TRAK1: variants seen among roughly 807,000 people sequenced by gnomAD.
The protein encoded by TRAK1 is trafficking kinesin-binding protein 1.
Under a neutral mutation model 92.1 loss-of-function variants are expected in TRAK1, and 33 were observed. The observed-to-expected ratio is 0.36, with a 90% CI of 0.27 to 0.48. TRAK1 has a LOEUF of 0.48. Ranked by LOEUF, TRAK1 falls within the 20% of genes least tolerant of loss-of-function variation. The pLI, the probability that TRAK1 is intolerant of heterozygous loss-of-function variation, is 0.99. For missense variants in TRAK1, 1,123 were observed against 1,257.9 expected (o/e 0.89, Z 1.62); for synonymous variants, 521 against 517.3 (o/e 1.01, Z -0.10).
chr3:42,128,419 G>A (rs1379827719), intron 2 of TRAK1, among the ~76,000 whole-genome samples: 1 of 152,084 alleles, frequency 6.6e-6, no homozygotes, highest in African/African-American at 2.4e-5. Context: ...ATCTTCTGTG[G>A]TTCCTGTAGT....
rs192356084 is a variant in TRAK1 at position 42,106,259 on chromosome 3, T to C, written c.91+14699T>C. ...AAAGAGTCAAGACCCATCAGTGTGC[T>C]GTATTCAGGAGACCCATCTCACGTG... On this transcript the variant is annotated intron_variant, in intron 1 of 15. Transcript: ENST00000327628. 7.1e-3 allele frequency among the ~76,000 whole-genome samples: 1,087 copies of C among 152,326 alleles called. 51 individuals are homozygous for C. The East Asian group carries it at 0.13, about 18-fold the overall frequency.
At chr3:42,220,589 G>A in intron 15 of TRAK1, 2 of 985,426 alleles carry the variant, frequency 2.0e-6, no homozygotes, top group Non-Finnish European at 2.4e-6. Flanking sequence ...GGCGAGGCAG[G>A]GGGTGAGCAC....
chr3:42,198,055 G>A (rs1707002302), intron 10 of TRAK1, among the ~76,000 whole-genome samples: 1 of 152,218 alleles, frequency 6.6e-6, no homozygotes, highest in Non-Finnish European at 1.5e-5. Context: ...CATCATCACA[G>A]GTTGTTCTGT....
chr3:42,040,536 C>T lies in TRAK1; in HGVS notation c.-519+26419C>T, dbSNP rs572836776. On this transcript the variant is annotated intron_variant, in intron 1 of 16. Transcript: ENST00000487159. The stretch of plus-strand genomic sequence containing the variant: ...GATATCTGATTGTACTAGTACCATT[C>T]GTTGAAAAGACTGTTCTTTCCATAT... Among the ~76,000 whole-genome samples the T allele has an allele frequency of 5.3e-5, 8 of 152,202 alleles. No individual in the cohort carries two copies. The South Asian group carries it at 1.5e-3, about 28-fold the overall frequency.
intron 1 of TRAK1, among the ~76,000 whole-genome samples, chr3:42,113,866 T>A (rs1375186465): frequency 6.6e-6 from 1 of 152,228 alleles, no homozygotes; most frequent in African/African-American, 2.4e-5. Flanking sequence ...TTTAAACATT[T>A]TAACGGGTAT....
chr3:42,212,107 A>G (rs1709113897), intron 14 of TRAK1: 1 of 985,304 alleles, frequency 1.0e-6, no homozygotes, highest in South Asian at 4.7e-5. Flanking sequence ...TAGAATGTAA[A>G]AAGCATATCG....
At chr3:42,222,691 G>A (rs1433744877) in intron 15 of TRAK1, among the ~76,000 whole-genome samples, 1 of 152,156 alleles carries the variant, frequency 6.6e-6, no homozygotes, top group Non-Finnish European at 1.5e-5. Flanking sequence ...CTGCAAAGGG[G>A]ACAACTGTAC....
intron 1 of TRAK1, among the ~76,000 whole-genome samples, chr3:42,104,028 G>A (rs1027033123): frequency 6.6e-6 from 1 of 152,172 alleles, no homozygotes; most frequent in Non-Finnish European, 1.5e-5. Flanking sequence ...TATATCCTGC[G>A]CCTGGCTTGG....
chr3:42,140,283 C>T (rs1476149103), intron 2 of TRAK1, among the ~76,000 whole-genome samples: 2 of 152,146 alleles, frequency 1.3e-5, no homozygotes, highest in Non-Finnish European at 2.9e-5. Flanking sequence ...TGTTCATTAG[C>T]AGTCTGCCTT....
chr3:42,221,902 A>G (rs748338103), intron 15 of TRAK1: 2 of 151,992 alleles, frequency 1.3e-5, no homozygotes, highest in Non-Finnish European at 2.9e-5. Context: ...ATTTTCCCCA[A>G]TACCCCGCCG....
At chr3:42,196,794 C>T (rs1254991855) in intron 10 of TRAK1, among the ~76,000 whole-genome samples, 13 of 151,690 alleles carry the variant, frequency 8.6e-5, no homozygotes, top group African/African-American at 2.9e-4. Flanking sequence ...GTGATCCACC[C>T]GTCTCGGCCT....
intron 2 of TRAK1, among the ~76,000 whole-genome samples, chr3:42,174,769 G>A (rs958772270): frequency 3.3e-5 from 5 of 150,300 alleles, no homozygotes; most frequent in Admixed American, 2.0e-4. Flanking sequence ...GTTTTGCCAT[G>A]TTGCCCAGGC....
At chr3:42,145,039 TGGTAAAAA>T (rs1699157701) in intron 2 of TRAK1, among the ~76,000 whole-genome samples, 1 of 152,254 alleles carries the variant, frequency 6.6e-6, no homozygotes, top group Non-Finnish European at 1.5e-5. Flanking sequence ...GCGGATTGAT[TGGTAAAAA>T]GTCTTGCAGT....
intron 1 of TRAK1, among the ~76,000 whole-genome samples, chr3:42,100,978 G>A (rs1039225211): frequency 1.3e-5 from 2 of 152,226 alleles, no homozygotes; most frequent in Non-Finnish European, 2.9e-5. Flanking sequence ...AACTTTACAG[G>A]ACTTTAAATT....
rs376145411 is a variant in TRAK1, at chr3:42,202,413, C to T, written c.1428-23C>T. 3 of 1,470,322 alleles carry T rather than the reference C, an allele frequency of 2.0e-6. No individual in the cohort carries two copies. The highest frequency in any genetic ancestry group is 3.1e-5 in the South Asian group (2 of 64,840). The allele number at this position is 1,470,322 out of a possible 1,614,324, so 91.1% of individuals were successfully genotyped here. A position where few individuals can be genotyped will look rare whatever the true frequency, so the allele number is the denominator to read the frequency against. On this transcript the variant is annotated intron_variant, in intron 12 of 15. Transcript: ENST00000327628. The surrounding 1 kb of genome is among the most constrained non-coding windows in gnomAD (Gnocchi z 6.1). ...CTTGGAGCCCTGCTGGCATTCCACC[C>T]TCACACCCCTTTCTTCTTCCAGAAA...
intron 14 of TRAK1, among the ~76,000 whole-genome samples, chr3:42,215,403 C>G (rs569457133): frequency 3.9e-5 from 6 of 152,104 alleles, no homozygotes; most frequent in Non-Finnish European, 8.8e-5. Flanking sequence ...GGGGATAGTC[C>G]AAGACACACC....
chr3:42,170,800 A>G (rs1238958841), intron 2 of TRAK1, among the ~76,000 whole-genome samples: 1 of 152,030 alleles, frequency 6.6e-6, no homozygotes, highest in East Asian at 1.9e-4. Flanking sequence ...CCCAAATGCA[A>G]ATATATCAGG....
At chr3:42,021,012 T>G (rs1488175833) in intron 1 of TRAK1, among the ~76,000 whole-genome samples, 1 of 152,216 alleles carries the variant, frequency 6.6e-6, no homozygotes, top group Non-Finnish European at 1.5e-5. Context: ...AGGGACAGAT[T>G]CTTGTCATGT....
intron 1 of TRAK1, among the ~76,000 whole-genome samples, chr3:42,028,533 C>A (rs993992792): frequency 6.6e-6 from 1 of 152,134 alleles, no homozygotes; most frequent in African/African-American, 2.4e-5. Context: ...AATGAGGTGG[C>A]AGCAGAGGTG....
Sources: gnomAD v4.1 joint callset for allele counts (sites outside exome capture counted in the v4.1 genomes callset) on GRCh38, gnomAD v4.1.1 for gene constraint, Gnocchi (gnomAD v3.1) non-coding constraint, MANE v1.5 for transcripts, NCBI Gene and HGNC (gene_info 2026-07-23, HGNC 2026-07-21) for gene names.